The following RASAL2 variants were observed in gnomAD, a reference collection of about 807,000 sequenced individuals.
RASAL2 encodes the protein RAS protein activator like 2, also known as ras GTPase-activating protein nGAP.
In RASAL2, 58 loss-of-function variants were observed where a neutral mutation model predicts 128.9. That is an observed-to-expected ratio of 0.45 (90% confidence interval 0.36 to 0.56). RASAL2 has a LOEUF of 0.56. Ranked by LOEUF, RASAL2 falls within the 20% of genes least tolerant of loss-of-function variation. The pLI is 0.00. For missense variants in RASAL2, 1,360 were observed against 1,601.6 expected (o/e 0.85, Z 2.57); for synonymous variants, 561 against 580.8 (o/e 0.97, Z 0.49).
chr1:178,117,638 ATAAAAGGGGTGCAAG>A (rs1413518016), intron 1 of RASAL2, among the ~76,000 whole-genome samples: 1 of 152,114 alleles, frequency 6.6e-6, no homozygotes, highest in Non-Finnish European at 1.5e-5. Context: ...TAGTGCCCTT[ATAAAAGGGGTGCAAG>A]GGAGCTAGCT....
chr1:178,452,324 T>C (rs926239452), intron 10 of RASAL2, 92 bp from the exon 11 acceptor site: 2 of 1,120,000 alleles, frequency 1.8e-6, no homozygotes, highest in East Asian at 2.4e-5. Flanking sequence ...GCCTGACTCT[T>C]AAGCAAAAGT....
intron 8 of RASAL2, among the ~76,000 whole-genome samples, chr1:178,443,441 A>G (rs1229615408): frequency 1.3e-5 from 2 of 152,208 alleles, no homozygotes; most frequent in Non-Finnish European, 2.9e-5. Flanking sequence ...ATTTAAAGCC[A>G]ATTTGCATGA....
At chr1:178,341,431 A>G (rs1571890569) in intron 3 of RASAL2, 3 of 1,448,504 alleles carry the variant, frequency 2.1e-6, no homozygotes, top group Non-Finnish European at 2.7e-6. Context: ...TTTAACTGGC[A>G]TTGGCTCTGG....
At chr1:178,218,586 C>T (rs542317300) in intron 1 of RASAL2, among the ~76,000 whole-genome samples, 1 of 152,282 alleles carries the variant, frequency 6.6e-6, no homozygotes, top group African/African-American at 2.4e-5. Flanking sequence ...ACTCGAGAGG[C>T]TGAGGCAGGA....
intron 1 of RASAL2, among the ~76,000 whole-genome samples, chr1:178,200,932 C>T (rs1039219418): frequency 6.6e-6 from 1 of 152,138 alleles, no homozygotes; most frequent in Admixed American, 6.5e-5. Context: ...ACAGTGATGG[C>T]GTCCCCTGAG....
At chr1:178,141,007 A>G (rs190893879) in intron 1 of RASAL2, among the ~76,000 whole-genome samples, 1 of 152,246 alleles carries the variant, frequency 6.6e-6, no homozygotes, top group African/African-American at 2.4e-5. Context: ...CCAGAGTAGG[A>G]GCAAGAAGGA....
At chr1:178,379,651 C>T (rs1672174122) in intron 3 of RASAL2, among the ~76,000 whole-genome samples, 1 of 152,142 alleles carries the variant, frequency 6.6e-6, no homozygotes, top group Non-Finnish European at 1.5e-5. Context: ...CTCAGTATGG[C>T]TATTGAATCC....
intron 1 of RASAL2, among the ~76,000 whole-genome samples, chr1:178,253,911 A>T (rs142174472): frequency 6.6e-6 from 1 of 152,210 alleles, no homozygotes; most frequent in Non-Finnish European, 1.5e-5. Context: ...TTGGGCTCAG[A>T]GGCCTGACTT....
chr1:178,221,857 T>C (rs1663624210), intron 1 of RASAL2, among the ~76,000 whole-genome samples: 1 of 152,220 alleles, frequency 6.6e-6, no homozygotes, highest in African/African-American at 2.4e-5. Flanking sequence ...AAGAGGGCTG[T>C]TAAAATTTCC....
chr1:178,317,674 C>A (rs1403028217), intron 3 of RASAL2, among the ~76,000 whole-genome samples: 1 of 147,342 alleles, frequency 6.8e-6, no homozygotes, highest in Non-Finnish European at 1.5e-5. Context: ...CTATTTGATT[C>A]TTCTCTCTTT....
intron 1 of RASAL2, among the ~76,000 whole-genome samples, chr1:178,258,616 A>G (rs1168615150): frequency 1.3e-5 from 2 of 152,230 alleles, no homozygotes; most frequent in African/African-American, 4.8e-5. Flanking sequence ...GATAATAACA[A>G]GTGTTGACTT....
intron 4 of RASAL2, among the ~76,000 whole-genome samples, chr1:178,403,350 C>T (rs182947374): frequency 2.3e-4 from 35 of 152,220 alleles, no homozygotes; most frequent in South Asian, 4.2e-4. Context: ...TCTGCAAATA[C>T]GTATTAAGTA....
At chr1:178,278,946 A>G (rs538504276) in intron 1 of RASAL2, among the ~76,000 whole-genome samples, 19 of 152,254 alleles carry the variant, frequency 1.2e-4, no homozygotes, top group African/African-American at 4.1e-4. Flanking sequence ...TGAGAGATCT[A>G]TTGTTATTGT....
chr1:178,333,276 C>G (rs1437907678), intron 3 of RASAL2, among the ~76,000 whole-genome samples: 2 of 152,174 alleles, frequency 1.3e-5, no homozygotes, highest in Non-Finnish European at 2.9e-5. Context: ...ACCCGCCCGT[C>G]TCGGCCTCCC....
rs1358076730 is a variant in RASAL2, at chr1:178,278,303, T to C, written c.203-5261T>C. Among the ~76,000 whole-genome samples, 4 of 152,168 alleles carry C rather than the reference T, an allele frequency of 2.6e-5. No homozygotes were observed. In the East Asian group the frequency reaches 7.7e-4, roughly 29 times the overall value. ...GGGATGGAATTTTCCATTGTGGCCA[T>C]GTCTGGGCAAGTCATCTCTGTAACC... On this transcript the variant is annotated intron_variant, in intron 1 of 17. Coordinates refer to ENST00000367649, the MANE Select transcript of RASAL2 (RefSeq NM_170692.4).
intron 1 of RASAL2, among the ~76,000 whole-genome samples, chr1:178,108,344 T>C (rs1301894109): frequency 6.6e-6 from 1 of 152,210 alleles, no homozygotes; most frequent in East Asian, 1.9e-4. Flanking sequence ...TTAATTATTC[T>C]ACATATTAAT....
At chr1:178,439,363 G>C in intron 5 of RASAL2, 59 bp from the exon 6 acceptor site, 1 of 1,453,604 alleles carries the variant, frequency 6.9e-7, no homozygotes, top group Non-Finnish European at 9.4e-7. Flanking sequence ...CATTGCATTA[G>C]ACCTTCATTT....
chr1:178,204,560 A>G (rs1662978970), intron 1 of RASAL2, among the ~76,000 whole-genome samples: 2 of 152,218 alleles, frequency 1.3e-5, no homozygotes. Context: ...ACCCAGAACA[A>G]AACTACTTGC....
At chr1:178,421,362 T>C (rs978996715) in intron 5 of RASAL2, among the ~76,000 whole-genome samples, 1 of 152,134 alleles carries the variant, frequency 6.6e-6, no homozygotes, top group Non-Finnish European at 1.5e-5. Context: ...TGACACATCA[T>C]GTCTCGATAA....
Sources: gnomAD v4.1 joint callset for allele counts (sites outside exome capture counted in the v4.1 genomes callset) on GRCh38, gnomAD v4.1.1 for gene constraint, MANE v1.5 for transcripts, NCBI Gene and HGNC (gene_info 2026-07-23, HGNC 2026-07-21) for gene names.